The following ANKMY2 variants were observed in gnomAD, a reference collection of about 807,000 sequenced individuals.
ANKMY2 encodes the protein ankyrin repeat and MYND domain-containing protein 2.
Under a neutral mutation model 50.4 loss-of-function variants are expected in ANKMY2, and 36 were observed. The observed-to-expected ratio is 0.71, with a 90% CI of 0.55 to 0.94. ANKMY2 has a LOEUF of 0.94. Ranked by LOEUF, ANKMY2 falls within the 40% of genes least tolerant of loss-of-function variation. The pLI is 0.00. For synonymous variants in ANKMY2, 187 were observed against 178.8 expected (o/e 1.05, Z -0.36); for missense variants, 565 against 524.0 (o/e 1.08, Z -0.76).
chr7:16,644,645 G>A (rs541966211), intron 1 of ANKMY2: 24 of 470,320 alleles, frequency 5.1e-5, no homozygotes, highest in Middle Eastern at 6.5e-4. Flanking sequence ...TCCCTGCACC[G>A]TGAGGGTGCA....
At position 16,631,035 on chromosome 7, in the gene ANKMY2, A is replaced by T. The variant is rs184011563; in HGVS notation, c.133-3857T>A. Among the ~76,000 whole-genome samples the T allele has an allele frequency of 1.1e-4, 16 of 152,344 alleles. 1 individual carries two copies. The East Asian group carries it at 3.1e-3, about 29-fold the overall frequency. On this transcript the variant is annotated intron_variant, in intron 2 of 9. Transcript: ENST00000306999. ...TCTGGTACTTCTATTTGAACATTAAATATGATGCTAAAGTTTGTGGAAGGT... is the reference window on the plus strand; with the variant it reads ...TCTGGTACTTCTATTTGAACATTAATTATGATGCTAAAGTTTGTGGAAGGT...
At chr7:16,614,187 T>C (rs1006537678) in intron 5 of ANKMY2, among the ~76,000 whole-genome samples, 3 of 152,146 alleles carry the variant, frequency 2.0e-5, no homozygotes, top group South Asian at 2.1e-4. Context: ...TGGACAGAGG[T>C]CAATGCTTCT....
chr7:16,631,131 T>C (rs1781575701), intron 2 of ANKMY2, among the ~76,000 whole-genome samples: 1 of 152,142 alleles, frequency 6.6e-6, no homozygotes, highest in South Asian at 2.1e-4. Flanking sequence ...TCAAAGGTTA[T>C]TACATTTTAT....
chr7:16,600,181 C>T lies in ANKMY2; in HGVS notation c.*580G>A, dbSNP rs1021458438. 1.3e-5 allele frequency: 2 copies of T among 152,274 alleles called. No homozygotes were observed. The highest frequency in any genetic ancestry group is 1.9e-4 in the East Asian group (1 of 5,176). 9.4% of individuals were successfully genotyped at this position (152,274 alleles called of 1,614,324 possible). On this transcript the variant is annotated 3_prime_UTR_variant, in exon 10 of 10. Transcript: ENST00000306999. The stretch of plus-strand genomic sequence containing the variant: ...CAGATAGAATATCACCGCAGGACTA[C>T]GTCAAGTTCAGAGTGTTCAGGATCA...
chr7:16,607,938 G>A (rs565309503), intron 7 of ANKMY2, among the ~76,000 whole-genome samples: 1 of 152,238 alleles, frequency 6.6e-6, no homozygotes, highest in Admixed American at 6.5e-5. Flanking sequence ...GACACAGGCA[G>A]AGGGCTTCTG....
intron 4 of ANKMY2, among the ~76,000 whole-genome samples, 181 bp downstream of exon 4, chr7:16,624,802 G>A (rs968172160): frequency 2.6e-5 from 4 of 152,104 alleles, no homozygotes; most frequent in Non-Finnish European, 5.9e-5. Context: ...GTGGAAATTC[G>A]AAATAGCCAT....
At chr7:16,621,100 C>T (rs1781428966) in intron 4 of ANKMY2, among the ~76,000 whole-genome samples, 2 of 152,060 alleles carry the variant, frequency 1.3e-5, no homozygotes, top group Non-Finnish European at 1.5e-5. Context: ...CTAGAAAACG[C>T]AGTAAACTGT....
chr7:16,633,222 C>T (rs370299604), intron 2 of ANKMY2, among the ~76,000 whole-genome samples: 133 of 123,310 alleles, frequency 1.1e-3, no homozygotes, highest in South Asian at 4.0e-3. Flanking sequence ...CTCGGTGGTA[C>T]GCTTTGAAAC....
chr7:16,639,732 T>C (rs1190737125), intron 1 of ANKMY2, among the ~76,000 whole-genome samples: 2 of 152,056 alleles, frequency 1.3e-5, no homozygotes, highest in Non-Finnish European at 2.9e-5. Flanking sequence ...CAGTGAGCTA[T>C]GATCATGCCA....
intron 7 of ANKMY2, among the ~76,000 whole-genome samples, chr7:16,605,990 TG>T (rs1350106997): frequency 1.3e-5 from 2 of 152,052 alleles, no homozygotes; most frequent in Non-Finnish European, 2.9e-5. Flanking sequence ...GCCAATATTT[TG>T]TAATTTTAGT....
chr7:16,638,370 C>T (rs1403031385), intron 1 of ANKMY2, among the ~76,000 whole-genome samples: 1 of 152,168 alleles, frequency 6.6e-6, no homozygotes, highest in African/African-American at 2.4e-5. Context: ...GGACAGCTCA[C>T]AGAACTCAGG....
chr7:16,639,603 C>A (rs1781719181), intron 1 of ANKMY2, among the ~76,000 whole-genome samples: 1 of 152,178 alleles, frequency 6.6e-6, no homozygotes, highest in African/African-American at 2.4e-5. Context: ...CATAGTGAGA[C>A]CCCATCTCTA....
At chr7:16,608,830 ATC>A (rs1201252271) in intron 7 of ANKMY2, among the ~76,000 whole-genome samples, 1 of 152,058 alleles carries the variant, frequency 6.6e-6, no homozygotes, top group African/African-American at 2.4e-5. Context: ...GTGAAATCCC[ATC>A]TCTACTAAAA....
At chr7:16,633,522 T>C (rs1235150026) in intron 2 of ANKMY2, among the ~76,000 whole-genome samples, 1 of 152,152 alleles carries the variant, frequency 6.6e-6, no homozygotes, top group African/African-American at 2.4e-5. Flanking sequence ...TATTCCTATA[T>C]CTTCATTAAC....
intron 5 of ANKMY2, among the ~76,000 whole-genome samples, chr7:16,613,570 T>A (rs2128342884): frequency 6.6e-6 from 1 of 152,294 alleles, no homozygotes; most frequent in Admixed American, 6.5e-5. Flanking sequence ...TTATGTAGTC[T>A]ATTTCAGACT....
At chr7:16,618,206 G>A (rs935764251) in intron 4 of ANKMY2, among the ~76,000 whole-genome samples, 7 of 152,036 alleles carry the variant, frequency 4.6e-5, no homozygotes, top group Admixed American at 3.9e-4. Flanking sequence ...GATTACAGGC[G>A]TGAGCCACCA....
At chr7:16,628,729 A>G (rs1781539336) in intron 2 of ANKMY2, among the ~76,000 whole-genome samples, 1 of 152,150 alleles carries the variant, frequency 6.6e-6, no homozygotes, top group Non-Finnish European at 1.5e-5. Flanking sequence ...GGCCACCACA[A>G]AGAAGCAAAC....
At chr7:16,644,905 A>G (rs1439923811) in intron 1 of ANKMY2, 5 of 345,426 alleles carry the variant, frequency 1.4e-5, no homozygotes, top group Non-Finnish European at 2.9e-5. Context: ...AGGCCTCGCC[A>G]ATTTCCTTGT....
rs184640079 is a variant in ANKMY2 at position 16,602,889 on chromosome 7, C to T, written c.1012-380G>A. Among the ~76,000 whole-genome samples the T allele has an allele frequency of 5.9e-5, 9 of 152,322 alleles. No homozygotes were observed. In the East Asian group the frequency reaches 1.5e-3, roughly 26 times the overall value. ...CCTGCCATGTGACATGCCTGCTCCC[C>T]CTTCACCTTCCACCATAATTGAAGG... On this transcript the variant is annotated intron_variant, in intron 8 of 9. Transcript: ENST00000306999.
Sources: allele counts gnomAD v4.1 joint callset (sites outside exome capture counted in the v4.1 genomes callset), GRCh38; gene constraint gnomAD v4.1.1; transcripts MANE v1.5; gene names NCBI Gene and HGNC (gene_info 2026-07-23, HGNC 2026-07-21).